Variants in SUPT3H observed in about 807,000 individuals in gnomAD.
The protein encoded by SUPT3H is SPT3 homolog, SAGA and STAGA complex component.
In SUPT3H, 44 loss-of-function variants were observed where a neutral mutation model predicts 44.3. The observed-to-expected ratio is 0.99, with a 90% CI of 0.78 to 1.28. The LOEUF (loss-of-function observed/expected upper bound fraction) is 1.28, where lower values mean the gene tolerates loss of function less well. Among genes scored for constraint, SUPT3H ranks in the 50% most tolerant of loss-of-function variants. SUPT3H has a pLI of 0.00. For missense variants in SUPT3H, 380 were observed against 387.1 expected, an observed-to-expected ratio of 0.98 and a Z score of 0.15; for synonymous variants, 124 against 125.6, an observed-to-expected ratio of 0.99 and a Z score of 0.09.
chr6:45,271,413 T>A (rs936810038), intron 2 of SUPT3H, among the ~76,000 whole-genome samples: 1 of 152,082 alleles, frequency 6.6e-6, no homozygotes, highest in Non-Finnish European at 1.5e-5. Flanking sequence ...GCTCCAGACA[T>A]GACTAAAAGA....
At chr6:45,197,088 A>G (rs1391788454) in intron 2 of SUPT3H, among the ~76,000 whole-genome samples, 2 of 151,674 alleles carry the variant, frequency 1.3e-5, no homozygotes, top group Non-Finnish European at 3.0e-5. Context: ...TTTAAGACAT[A>G]ATTCTTCAAT....
chr6:45,123,131 T>C (rs1261825644), intron 2 of SUPT3H, among the ~76,000 whole-genome samples: 1 of 152,176 alleles, frequency 6.6e-6, no homozygotes, highest in Non-Finnish European at 1.5e-5. Flanking sequence ...CTTAATTCAC[T>C]TTAACAATAT....
At chr6:45,146,331 T>C (rs1012114620) in intron 2 of SUPT3H, among the ~76,000 whole-genome samples, 6 of 151,942 alleles carry the variant, frequency 3.9e-5, no homozygotes, top group African/African-American at 1.4e-4. Context: ...AATATATAAA[T>C]GGAAACCCAA....
chr6:45,272,790 T>TAA (rs1409223812), intron 2 of SUPT3H, among the ~76,000 whole-genome samples: 1 of 6,100 alleles, frequency 1.6e-4, no homozygotes, highest in East Asian at 0.1. Flanking sequence ...CAAAACACTC[T>TAA]AATAATAAGA....
At chr6:44,851,409 T>C (rs1315723689) in intron 10 of SUPT3H, among the ~76,000 whole-genome samples, 2 of 152,202 alleles carry the variant, frequency 1.3e-5, no homozygotes, top group African/African-American at 2.4e-5. Context: ...ACAATTATGG[T>C]TGGCAGAACA....
intron 2 of SUPT3H, among the ~76,000 whole-genome samples, chr6:45,169,458 T>C (rs1810431594): frequency 6.6e-6 from 1 of 152,200 alleles, no homozygotes; most frequent in Non-Finnish European, 1.5e-5. Context: ...CACTAGATGC[T>C]ACATTATTCC....
intron 3 of SUPT3H, among the ~76,000 whole-genome samples, chr6:45,093,610 C>T (rs1404206157): frequency 2.0e-5 from 3 of 151,854 alleles, no homozygotes; most frequent in Non-Finnish European, 4.4e-5. Flanking sequence ...AAAACATCTG[C>T]CAAATTAAAA....
intron 3 of SUPT3H, chr6:45,099,169 A>G: frequency 3.5e-6 from 1 of 282,716 alleles, no homozygotes; most frequent in East Asian, 1.1e-4. Flanking sequence ...CAATGGGACC[A>G]CCCTTTCCTT....
At chr6:45,331,104 G>GGTGTGTGTGTGTGT (rs143223149) in intron 2 of SUPT3H, among the ~76,000 whole-genome samples, 1 of 149,606 alleles carries the variant, frequency 6.7e-6, no homozygotes, top group African/African-American at 2.5e-5. Flanking sequence ...TACAATGAGT[G>GGTGTGTGTGTGTGT]GTGTGTGTGT....
chr6:44,968,189 T>C (rs1413274388), intron 6 of SUPT3H, among the ~76,000 whole-genome samples: 1 of 152,226 alleles, frequency 6.6e-6, no homozygotes. Flanking sequence ...TGCCTTTTAC[T>C]AAAATGGTAA....
intron 2 of SUPT3H, among the ~76,000 whole-genome samples, chr6:45,325,488 T>A (rs1786204633): frequency 6.6e-6 from 1 of 151,888 alleles, no homozygotes; most frequent in South Asian, 2.1e-4. Context: ...ACAACTTTTT[T>A]TCTTTGAAAT....
At chr6:45,016,233 C>G (rs1329841623) in intron 4 of SUPT3H, among the ~76,000 whole-genome samples, 1 of 152,050 alleles carries the variant, frequency 6.6e-6, no homozygotes, top group Non-Finnish European at 1.5e-5. Flanking sequence ...AATTGTTCAG[C>G]TCCATTATAA....
intron 6 of SUPT3H, among the ~76,000 whole-genome samples, 180 bp downstream of exon 6, chr6:45,003,473 G>A (rs1288121315): frequency 6.6e-6 from 1 of 152,188 alleles, no homozygotes; most frequent in Non-Finnish European, 1.5e-5. Flanking sequence ...CAAAGTTGAT[G>A]CTGAAGGCAG....
Position 45,167,181 on chromosome 6 carries a change from A to T in SUPT3H, c.102-61175T>A, listed in dbSNP as rs527921346. Among the ~76,000 whole-genome samples, 15 of 152,302 alleles carry T rather than the reference A, an allele frequency of 9.8e-5. 1 individual carries two copies. The South Asian group carries it at 3.1e-3, about 32-fold the overall frequency. On this transcript the variant is annotated intron_variant, in intron 2 of 10. Transcript: ENST00000371459. Reference sequence around the variant, plus strand: ...AATGGGCTAAGGGCTTAATGGACAGAAGTGTAGGTACTATAAAAGCTAGCC... The same window carrying T: ...AATGGGCTAAGGGCTTAATGGACAGTAGTGTAGGTACTATAAAAGCTAGCC...
In SUPT3H at chr6:44,953,320, T is replaced by A; in HGVS notation, c.791A>T (p.Asn264Ile). The A allele has an allele frequency of 6.2e-7, 1 of 1,613,698 alleles. No individual in the cohort carries two copies. The change falls in exon 9 of 11, where the codon AAC becomes ATC. Residue 264 changes from asparagine to isoleucine, a missense_variant. Physicochemically the swap from Asn to Ile is moderately radical, Grantham distance 149. Transcript: ENST00000371459. ...AISATFIQYHNSAESTAACGV... is the reference protein window; with the variant it reads ...AISATFIQYHISAESTAACGV... The stretch of plus-strand genomic sequence containing the variant: ...TTTTTTTGTACTTACCTCAGCAGAG[T>A]TGTGATACTGAATGAAGGTTGCAGA...
chr6:44,991,807 T>C (rs1001763274), intron 6 of SUPT3H, among the ~76,000 whole-genome samples: 2 of 152,104 alleles, frequency 1.3e-5, no homozygotes, highest in Non-Finnish European at 2.9e-5. Flanking sequence ...ACCAAACAAA[T>C]AATGATCTGT....
At chr6:45,310,524 C>T (rs777800264) in intron 2 of SUPT3H, among the ~76,000 whole-genome samples, 6 of 152,118 alleles carry the variant, frequency 3.9e-5, no homozygotes, top group East Asian at 1.9e-4. Flanking sequence ...TCACAGAGTC[C>T]GTTGCACCCT....
intron 2 of SUPT3H, among the ~76,000 whole-genome samples, chr6:45,331,358 C>T (rs754360399): frequency 4.6e-5 from 7 of 151,930 alleles, no homozygotes; most frequent in Non-Finnish European, 4.4e-5. Context: ...ATCTTTGTAA[C>T]TGCTTGAACA....
intron 2 of SUPT3H, among the ~76,000 whole-genome samples, chr6:45,132,454 A>AT (rs1237003439): frequency 1.3e-5 from 2 of 152,194 alleles, no homozygotes; most frequent in African/African-American, 4.8e-5. Flanking sequence ...AACAAAATAA[A>AT]TGACAGGATA....
Sources: gnomAD v4.1 joint callset for allele counts (sites outside exome capture counted in the v4.1 genomes callset) on GRCh38, gnomAD v4.1.1 for gene constraint, MANE v1.5 for transcripts, NCBI Gene and HGNC (gene_info 2026-07-23, HGNC 2026-07-21) for gene names.